Variants in CDH13 observed in about 807,000 individuals in gnomAD.
The protein encoded by CDH13 is cadherin-13.
In CDH13, 24 loss-of-function variants were observed where a neutral mutation model predicts 63.8. The ratio of observed to expected loss-of-function variants is 0.38; its 90% CI spans 0.27 to 0.53. The LOEUF (loss-of-function observed/expected upper bound fraction) is 0.53. CDH13 is among the 20% of genes least tolerant of loss of function. The probability of loss-of-function intolerance (pLI) is 0.85; values close to 1 mark genes in which losing one functional copy is unlikely to be tolerated. For synonymous variants in CDH13, 503 were observed against 355.3 expected (o/e 1.42, Z -4.67); for missense variants, 1,049 against 903.1 (o/e 1.16, Z -2.07).
chr16:83,095,780 T>G (rs370799870), intron 3 of CDH13, among the ~76,000 whole-genome samples: 1 of 152,118 alleles, frequency 6.6e-6, no homozygotes, highest in African/African-American at 2.4e-5. Flanking sequence ...TGCCTAAGAC[T>G]CTATGATTCT....
intron 2 of CDH13, among the ~76,000 whole-genome samples, chr16:82,952,345 G>A (rs1597281111): frequency 6.6e-6 from 1 of 152,226 alleles, no homozygotes; most frequent in Non-Finnish European, 1.5e-5. Context: ...ATTGGCTATG[G>A]TATTTCTATA....
At chr16:83,322,929 G>A (rs986203425) in intron 5 of CDH13, among the ~76,000 whole-genome samples, 10 of 152,154 alleles carry the variant, frequency 6.6e-5, no homozygotes, top group East Asian at 1.9e-4. Flanking sequence ...AGTGTTTATC[G>A]TTGACTTTTA....
At chr16:82,877,788 C>G (rs537657764) in intron 2 of CDH13, among the ~76,000 whole-genome samples, 19 of 116,858 alleles carry the variant, frequency 1.6e-4, no homozygotes, top group Non-Finnish European at 3.0e-4. Context: ...ACACAGCCAC[C>G]TCTATTCATT....
intron 2 of CDH13, among the ~76,000 whole-genome samples, chr16:82,996,592 C>A (rs1039230026): frequency 6.6e-6 from 1 of 152,148 alleles, no homozygotes; most frequent in African/African-American, 2.4e-5. Context: ...CAAAAACGAC[C>A]TTGTTTAAGT....
At chr16:82,920,606 G>T (rs1193200871) in intron 2 of CDH13, among the ~76,000 whole-genome samples, 2 of 152,174 alleles carry the variant, frequency 1.3e-5, no homozygotes, top group Non-Finnish European at 2.9e-5. Context: ...GTCTGGTGAG[G>T]CTGTCTCCAC....
intron 1 of CDH13, among the ~76,000 whole-genome samples, chr16:82,819,368 C>G (rs936319484): frequency 6.6e-6 from 1 of 152,172 alleles, no homozygotes; most frequent in Non-Finnish European, 1.5e-5. Flanking sequence ...TGCTGATTCT[C>G]AAATTAACAA....
At chr16:83,051,385 G>A (rs981927892) in intron 3 of CDH13, among the ~76,000 whole-genome samples, 2 of 152,270 alleles carry the variant, frequency 1.3e-5, no homozygotes, top group Non-Finnish European at 2.9e-5. Flanking sequence ...AAGAGCTGTG[G>A]CATCAGTAAA....
intron 7 of CDH13, among the ~76,000 whole-genome samples, chr16:83,539,476 C>T (rs966897914): frequency 6.6e-6 from 1 of 152,044 alleles, no homozygotes; most frequent in Non-Finnish European, 1.5e-5. Flanking sequence ...GAACACAATT[C>T]AAGAAATGCT....
intron 3 of CDH13, among the ~76,000 whole-genome samples, chr16:83,079,009 G>A (rs1305496719): frequency 6.6e-6 from 1 of 152,144 alleles, no homozygotes; most frequent in Non-Finnish European, 1.5e-5. Flanking sequence ...TGGCCAGGCT[G>A]GTCTTGAACT....
intron 6 of CDH13, among the ~76,000 whole-genome samples, chr16:83,374,062 T>A (rs990628605): frequency 1.3e-5 from 2 of 152,198 alleles, no homozygotes; most frequent in Non-Finnish European, 2.9e-5. Context: ...TACTAAGGCG[T>A]GCTAAAGGGT....
chr16:83,180,967 C>G, intron 4 of CDH13: 1 of 1,531,676 alleles, frequency 6.5e-7, no homozygotes, highest in Non-Finnish European at 8.7e-7. Flanking sequence ...TAATGAACAT[C>G]CTATTTGGCG....
chr16:83,746,748 A>G (rs1404910379), intron 10 of CDH13, among the ~76,000 whole-genome samples: 3 of 152,224 alleles, frequency 2.0e-5, no homozygotes, highest in Non-Finnish European at 4.4e-5. Context: ...TGCCAACAGC[A>G]TCTTTCTGGC....
chr16:83,435,452 A>G (rs952858687), intron 6 of CDH13, among the ~76,000 whole-genome samples: 1 of 152,108 alleles, frequency 6.6e-6, no homozygotes, highest in African/African-American at 2.4e-5. Context: ...GCCCCAAAGC[A>G]ACATCTAACT....
At chr16:82,950,605 G>C (rs1449339863) in intron 2 of CDH13, among the ~76,000 whole-genome samples, 3 of 152,054 alleles carry the variant, frequency 2.0e-5, no homozygotes, top group Non-Finnish European at 4.4e-5. Flanking sequence ...ATGATTGTGA[G>C]GCCTCTCCAG....
At chr16:83,253,847 G>A (rs951685602) in intron 5 of CDH13, among the ~76,000 whole-genome samples, 15 of 152,198 alleles carry the variant, frequency 9.9e-5, no homozygotes, top group African/African-American at 3.4e-4. Context: ...AATATAATTA[G>A]GAAAGTGGGG....
chr16:82,973,849 G>A (rs772758877), intron 2 of CDH13, among the ~76,000 whole-genome samples: 3 of 152,138 alleles, frequency 2.0e-5, no homozygotes, highest in Non-Finnish European at 4.4e-5. Context: ...GTACTCAGCT[G>A]TTTCATTGAT....
intron 5 of CDH13, among the ~76,000 whole-genome samples, chr16:83,330,310 T>C (rs2090453751): frequency 6.6e-6 from 1 of 152,198 alleles, no homozygotes; most frequent in African/African-American, 2.4e-5. Context: ...TGTCCTATAG[T>C]TTTGTAAGAT....
At chr16:83,232,400 C>T (rs935567529) in intron 5 of CDH13, among the ~76,000 whole-genome samples, 10 of 151,858 alleles carry the variant, frequency 6.6e-5, no homozygotes, top group African/African-American at 2.2e-4. Context: ...TGGCGCATGC[C>T]TGTAATCCCA....
chr16:82,861,328 G>A (rs765935639), intron 2 of CDH13, among the ~76,000 whole-genome samples: 2 of 152,148 alleles, frequency 1.3e-5, no homozygotes, highest in Non-Finnish European at 2.9e-5. Flanking sequence ...GTGAACTTTT[G>A]TGTTGCAGGG....
Sources: allele counts gnomAD v4.1 joint callset (sites outside exome capture counted in the v4.1 genomes callset), GRCh38; gene constraint gnomAD v4.1.1; transcripts MANE v1.5; gene names NCBI Gene and HGNC (gene_info 2026-07-23, HGNC 2026-07-21).